Variants in TNKS1BP1 observed in about 807,000 individuals in gnomAD.
The protein encoded by TNKS1BP1 is 182 kDa tankyrase-1-binding protein.
In TNKS1BP1, 48 loss-of-function variants were observed where a neutral mutation model predicts 141.1. The observed-to-expected ratio is 0.34, with a 90% CI of 0.27 to 0.43. The LOEUF (loss-of-function observed/expected upper bound fraction) is 0.43, where lower values mean the gene tolerates loss of function less well. Among genes scored for constraint, TNKS1BP1 ranks in the 20% least tolerant of loss-of-function variants. The probability of loss-of-function intolerance (pLI) is 1.00; values close to 1 mark genes in which losing one functional copy is unlikely to be tolerated. For missense variants in TNKS1BP1, 2,149 were observed against 2,226.0 expected (o/e 0.97, Z 0.70); for synonymous variants, 875 against 898.2 (o/e 0.97, Z 0.46).
At position 57,321,823 on chromosome 11, in the gene TNKS1BP1, C is replaced by G. The variant is rs759112598; in HGVS notation, c.63G>C (p.Glu21Asp). ...CAGAGCCAGTAGGCACCAGCTCCTCCTCCATCTCCCGGGGCAGTGGGGAAG... is the reference window on the plus strand; with the variant it reads ...CAGAGCCAGTAGGCACCAGCTCCTCGTCCATCTCCCGGGGCAGTGGGGAAG... ...AMASPLPREM[E>D]EELVPTGSEP... is the part of the protein sequence containing the mutation. Residue 21 changes from glutamate to aspartate, a missense_variant, in exon 2 of 12, where the codon GAG becomes GAC. Glu to Asp is a conservative substitution (Grantham distance 45). Transcript: ENST00000358252. 3 of 1,614,026 alleles carry G rather than the reference C, an allele frequency of 1.9e-6. No individual in the cohort carries two copies. In the East Asian group the frequency reaches 6.7e-5, roughly 36 times the overall value.
At chr11:57,323,864 C>G (rs1352633057) in intron 1 of TNKS1BP1, among the ~76,000 whole-genome samples, 1 of 152,208 alleles carries the variant, frequency 6.6e-6, no homozygotes, top group African/African-American at 2.4e-5. Flanking sequence ...AAAATCCTTT[C>G]ACCTGGGGTT....
intron 4 of TNKS1BP1, among the ~76,000 whole-genome samples, chr11:57,314,241 G>A (rs1855764124): frequency 6.6e-6 from 1 of 152,228 alleles, no homozygotes; most frequent in African/African-American, 2.4e-5. Flanking sequence ...GCTTTATAAA[G>A]GGAAAAGGAA....
chr11:57,313,702 G>A lies in TNKS1BP1; in HGVS notation c.986C>T (p.Ser329Phe). 1.9e-6 allele frequency: 3 copies of A among 1,584,190 alleles called. No homozygotes were observed. The highest frequency in any genetic ancestry group is 2.6e-6 in the Non-Finnish European group (3 of 1,165,110). Reference protein sequence around the residue: ...EAQTPEASQASPCPAVTPSAP... With the variant: ...EAQTPEASQAFPCPAVTPSAP... ...TGATGGAGTCACAGCGGGGCAGGGA[G>A]AAGCCTGGGAAGCTTCAGGAGTCTG... Residue 329 changes from serine to phenylalanine, a missense_variant, in exon 5 of 12, where the codon TCT (serine) becomes TTT (phenylalanine). Transcript: ENST00000358252.
intron 1 of TNKS1BP1, among the ~76,000 whole-genome samples, chr11:57,323,770 A>G (rs1490872202): frequency 6.6e-6 from 1 of 152,290 alleles, no homozygotes; most frequent in East Asian, 1.9e-4. Context: ...TTAAAACACA[A>G]GATTGTTTCC....
At chr11:57,319,140 G>A (rs1454151382) in intron 3 of TNKS1BP1, among the ~76,000 whole-genome samples, 13 of 125,006 alleles carry the variant, frequency 1.0e-4, no homozygotes, top group African/African-American at 2.7e-4. Flanking sequence ...GCGAGACTCC[G>A]TCTCAAAAAA....
At chr11:57,304,133 C>A (rs1028110573) in intron 6 of TNKS1BP1, among the ~76,000 whole-genome samples, 6 of 151,938 alleles carry the variant, frequency 3.9e-5, no homozygotes, top group Non-Finnish European at 7.4e-5. Flanking sequence ...CACCCCCACC[C>A]CACACACACA....
intron 3 of TNKS1BP1, 59 bp downstream of exon 3, chr11:57,320,020 C>CCCCCCACACCCCACCCCA: frequency 8.2e-7 from 1 of 1,213,902 alleles, no homozygotes. Context: ...AGCCCCCACC[C>CCCCCCACACCCCACCCCA]AATCCCACCC....
chr11:57,317,738 A>T, intron 4 of TNKS1BP1, 80 bp downstream of exon 4: 1 of 1,392,210 alleles, frequency 7.2e-7, no homozygotes, highest in Non-Finnish European at 1.0e-6. Flanking sequence ...CTGAACTACA[A>T]GGAGTAGAAA....
chr11:57,302,582 G>C lies in TNKS1BP1; in HGVS notation c.4560C>G (p.Asp1520Glu), dbSNP rs373603637. ...CTGAAGAGCCCCAGGTGCCATCCAC[G>C]TCTTCTGTCTGGCTGGCCTCACCAT... ...QPDGEASQTE[D>E]VDGTWGSSAA... The change falls in exon 7 of 12, where the codon GAC (aspartate) becomes GAG (glutamate). Residue 1520 changes from aspartate to glutamate, a missense_variant. Transcript: ENST00000358252. The surrounding 1 kb of genome is among the most constrained non-coding windows in gnomAD (Gnocchi z 5.5). 1.4e-4 allele frequency: 221 copies of C among 1,612,976 alleles called. 1 individual carries two copies. Among genetic ancestry groups the C allele is most frequent in the Middle Eastern group, 3.4e-4 (2 of 5,932 alleles).
At chr11:57,300,816 TGA>T (rs1855513812) in intron 10 of TNKS1BP1, 66 bp downstream of exon 10, 18 of 1,566,654 alleles carry the variant, frequency 1.1e-5, no homozygotes, top group Non-Finnish European at 1.6e-5. Context: ...TTCTGTGAAG[TGA>T]GAGTTTCCCT....
rs780309237 is a variant in TNKS1BP1 at position 57,320,337 on chromosome 11, G to T, written c.470C>A (p.Ala157Glu). 6.8e-6 allele frequency: 11 copies of T among 1,614,198 alleles called. No individual in the cohort carries two copies. Among genetic ancestry groups the T allele is most frequent in the Middle Eastern group, 1.6e-4 (1 of 6,062 alleles). Residue 157 changes from alanine to glutamate, a missense_variant, in exon 3 of 12, where the codon GCG (alanine) becomes GAG (glutamate). Coordinates refer to ENST00000358252, the MANE Select transcript of TNKS1BP1 (RefSeq NM_033396.3). ...APFRPASERFAATTVEEILAK... is the reference protein window; with the variant it reads ...APFRPASERFEATTVEEILAK... ...CAGGATCTCTTCCACCGTGGTGGCC[G>T]CGAAGCGCTCTGAGGCTGGGCGGAA... is the stretch of plus-strand genomic sequence containing the variant.
At chr11:57,320,020 C>CCAA in intron 3 of TNKS1BP1, 59 bp downstream of exon 3, 557 of 1,213,646 alleles carry the variant, frequency 4.6e-4, no homozygotes, top group Non-Finnish European at 5.9e-4. Context: ...AGCCCCCACC[C>CCAA]AATCCCACCC....
intron 4 of TNKS1BP1, among the ~76,000 whole-genome samples, chr11:57,317,105 C>T (rs1855810740): frequency 6.6e-6 from 1 of 152,220 alleles, no homozygotes; most frequent in African/African-American, 2.4e-5. Flanking sequence ...CACAGTGACA[C>T]CTTCCCTGAC....
Position 57,324,890 on chromosome 11 carries a change from C to CCCG in TNKS1BP1, c.-119_-117dup, listed in dbSNP as rs1399357753. ...TCGGCTCGGGGCCCCGATGCCAGTC[C>CCCG]CCGCCGCCGCCGCCGCTGCTACCGC... On this transcript the variant is annotated 5_prime_UTR_variant, in exon 1 of 12. Coordinates refer to ENST00000358252, the MANE Select transcript of TNKS1BP1 (RefSeq NM_033396.3). 20 of 991,718 alleles carry CCCG rather than the reference C, an allele frequency of 2.0e-5. No homozygotes were observed. Among genetic ancestry groups the CCCG allele is most frequent in the Admixed American group, 1.2e-4 (2 of 16,220 alleles). The allele number at this position is 991,718 out of a possible 1,614,324, so 61.4% of individuals were successfully genotyped here.
chr11:57,314,996 G>A lies in TNKS1BP1; in HGVS notation c.799-1107C>T, dbSNP rs79888423. 1.1e-3 allele frequency among the ~76,000 whole-genome samples: 166 copies of A among 152,058 alleles called. 3 individuals are homozygous for A. The East Asian group carries it at 0.029, about 26-fold the overall frequency. The stretch of plus-strand genomic sequence containing the variant: ...ATTCTTTCTTGTTATTGACCCTTAC[G>A]CACCCATCATTCCTTGAAAACCATA... On this transcript the variant is annotated intron_variant, in intron 4 of 11. Coordinates refer to ENST00000358252, the MANE Select transcript of TNKS1BP1 (RefSeq NM_033396.3).
At position 57,300,538 on chromosome 11, in the gene TNKS1BP1, T is replaced by C; in HGVS notation, c.*2A>G. The stretch of plus-strand genomic sequence containing the variant: ...GGAACCTGTCCTCACCTCAGTGACT[T>C]CTCAGACCTTCTTCTTCTTCAGTTT... On this transcript the variant is annotated 3_prime_UTR_variant, in exon 11 of 12. Coordinates refer to ENST00000358252, the MANE Select transcript of TNKS1BP1 (RefSeq NM_033396.3). 6.2e-7 allele frequency: 1 copy of C among 1,614,184 alleles called. No individual in the cohort carries two copies. The highest frequency in any genetic ancestry group is 1.1e-5 in the South Asian group (1 of 91,086).
At chr11:57,324,666 G>A (rs962985072) in intron 1 of TNKS1BP1, among the ~76,000 whole-genome samples, 174 bp downstream of exon 1, 3 of 147,970 alleles carry the variant, frequency 2.0e-5, no homozygotes, top group Middle Eastern at 3.5e-3. Flanking sequence ...ACCTTCCCCC[G>A]GGCCTCCAGC....
chr11:57,316,559 C>T (rs572973271), intron 4 of TNKS1BP1, among the ~76,000 whole-genome samples: 1 of 152,342 alleles, frequency 6.6e-6, no homozygotes, highest in Admixed American at 6.5e-5. Context: ...CAACCATAAA[C>T]TCATCCTTCC....
At position 57,320,246 on chromosome 11, in the gene TNKS1BP1, G is replaced by A; in HGVS notation, c.561C>T (p.Leu187=). The A allele has an allele frequency of 6.2e-7, 1 of 1,614,216 alleles. No individual in the cohort carries two copies. The highest frequency in any genetic ancestry group is 8.5e-7 in the Non-Finnish European group (1 of 1,180,046). The change falls in exon 3 of 12, where the codon CTC becomes CTT. Residue 187 remains leucine (L), a synonymous_variant. Coordinates refer to ENST00000358252, the MANE Select transcript of TNKS1BP1 (RefSeq NM_033396.3). ...GCGAGCTGCCATCGTGGTTAAAGGTGAGGCGGGAACCCCACAGGCGGTCGG... is the reference window on the plus strand; with the variant it reads ...GCGAGCTGCCATCGTGGTTAAAGGTAAGGCGGGAACCCCACAGGCGGTCGG... The part of the protein sequence containing the change: ...ASPDRLWGSR[L]TFNHDGSSRY...
Sources: allele counts gnomAD v4.1 joint callset (sites outside exome capture counted in the v4.1 genomes callset), GRCh38; gene constraint gnomAD v4.1.1; non-coding constraint Gnocchi (gnomAD v3.1); transcripts MANE v1.5; gene names NCBI Gene and HGNC (gene_info 2026-07-23, HGNC 2026-07-21).